Variants in CFAP47 observed in about 807,000 individuals in gnomAD.
The protein encoded by CFAP47 is cilia- and flagella-associated protein 47.
Under a neutral mutation model 148.1 loss-of-function variants are expected in CFAP47, and 29 were observed. The observed-to-expected ratio is 0.20, with a 90% CI of 0.15 to 0.27. The LOEUF (loss-of-function observed/expected upper bound fraction) is 0.27, where lower values mean the gene tolerates loss of function less well. Ranked by LOEUF, CFAP47 falls within the 10% of genes least tolerant of loss-of-function variation. The pLI is 1.00. For missense variants in CFAP47, 1,872 were observed against 1,697.5 expected (o/e 1.10, Z -1.81); for synonymous variants, 664 against 577.3 (o/e 1.15, Z -2.15).
chrX:36,109,344 T>C (rs1317277085), intron 33 of CFAP47, among the ~76,000 whole-genome samples: 1 of 112,032 alleles, frequency 8.9e-6, no homozygotes, highest in African/African-American at 3.2e-5. Context: ...GGTAGTTCCA[T>C]TTTTAGGTCT....
intron 35 of CFAP47, among the ~76,000 whole-genome samples, chrX:36,143,987 T>C (rs1025577212): frequency 1.8e-4 from 20 of 111,675 alleles, no homozygotes; most frequent in Non-Finnish European, 9.4e-5. Flanking sequence ...TTCTCACTAA[T>C]TGTCCCATCT....
chrX:35,976,963 TA>T (rs777962459), intron 15 of CFAP47, among the ~76,000 whole-genome samples: 29 of 111,994 alleles, frequency 2.6e-4, no homozygotes, highest in Non-Finnish European at 4.9e-4. Context: ...TCGTAACTGC[TA>T]AACTGTGACT....
Position 36,384,857 on chromosome X carries a change from A to C in CFAP47, c.9415A>C (p.Lys3139Gln). Residue 3139 changes from lysine to glutamine, a missense_variant, in exon 64 of 64, where the codon AAA (lysine) becomes CAA (glutamine). Lys to Gln is a moderately conservative substitution (Grantham distance 53). Transcript: ENST00000378653. ...NGLTPTTVPP[K>Q]NAKAKIDATH... ...ATTAACTCCAACTACCGTGCCACCA[A>C]AAAATGCAAAAGCCAAAATTGATGC... The C allele has an allele frequency of 8.6e-7, 1 of 1,167,148 alleles. No homozygotes were observed.
In CFAP47 at chrX:36,320,825, A is replaced by T. The variant is rs1941472779; in HGVS notation, c.8443+1518A>T. ...GGAATAATCAAACAATACTGATGGA[A>T]ATACAAATTACTACATAGTTTTTGG... On this transcript the variant is annotated intron_variant, in intron 57 of 63. Transcript: ENST00000378653. Among the ~76,000 whole-genome samples the T allele has an allele frequency of 2.7e-5, 3 of 110,568 alleles. No individual in the cohort carries two copies. In the Admixed American group the frequency reaches 3.0e-4, roughly 11 times the overall value.
chrX:36,073,345 A>G lies in CFAP47; in HGVS notation c.4672A>G (p.Ile1558Val). The G allele has an allele frequency of 8.3e-7, 1 of 1,197,873 alleles. No individual in the cohort carries two copies. The highest frequency in any genetic ancestry group is 1.7e-5 in the African/African-American group (1 of 57,523). The change falls in exon 29 of 64, where the codon ATT becomes GTT. Residue 1558 changes from isoleucine to valine, a missense_variant. Physicochemically the swap from Ile to Val is conservative, Grantham distance 29. Transcript: ENST00000378653. ...GCCTGAAGGACCCCATTCTTTTTCT[A>G]TTCCAGAGACTATAAGAAGGTGAGA... Reference protein sequence around the residue: ...GWPEGPHSFSIPETIRRDVYK... With the variant: ...GWPEGPHSFSVPETIRRDVYK...
At chrX:36,050,185 C>T (rs770580242) in intron 26 of CFAP47, among the ~76,000 whole-genome samples, 1 of 111,081 alleles carries the variant, frequency 9.0e-6, no homozygotes, top group East Asian at 2.8e-4. Flanking sequence ...TGGGGTGCTG[C>T]TATAAAGATA....
intron 49 of CFAP47, among the ~76,000 whole-genome samples, chrX:36,266,860 G>C (rs1383440010): frequency 9.0e-6 from 1 of 111,130 alleles, no homozygotes; most frequent in Non-Finnish European, 1.9e-5. Context: ...TTCAGGGCCT[G>C]GAACGTATCC....
At position 36,239,431 on chromosome X, in the gene CFAP47, G is replaced by A. The variant is rs182388762; in HGVS notation, c.7332+2572G>A. Among the ~76,000 whole-genome samples, 60 of 112,121 alleles carry A rather than the reference G, an allele frequency of 5.4e-4. 1 individual carries two copies. Among genetic ancestry groups the A allele is most frequent in the Admixed American group, 5.1e-3 (54 of 10,568 alleles). ...CCTCTCTCTTTAGCTCTGCAGTCTT[G>A]CAACTGTAGTAACTATGAAAACCAG... On this transcript the variant is annotated intron_variant, in intron 48 of 63. Transcript: ENST00000378653.
intron 24 of CFAP47, among the ~76,000 whole-genome samples, chrX:36,038,507 C>A (rs1014418743): frequency 4.5e-5 from 5 of 111,634 alleles, no homozygotes; most frequent in Non-Finnish European, 1.9e-5. Flanking sequence ...GGCCAGTCAA[C>A]CCTGGTAGTA....
chrX:35,939,085 A>G (rs1416351785), intron 2 of CFAP47, among the ~76,000 whole-genome samples: 1 of 111,181 alleles, frequency 9.0e-6, no homozygotes, highest in South Asian at 3.8e-4. Context: ...CAAAATATGC[A>G]TAGACCTCTT....
intron 62 of CFAP47, among the ~76,000 whole-genome samples, chrX:36,374,302 C>G (rs782649103): frequency 2.7e-5 from 3 of 109,922 alleles, no homozygotes; most frequent in Non-Finnish European, 3.8e-5. Flanking sequence ...TATACATTTC[C>G]TTCTTGGTTT....
chrX:35,971,721 G>T lies in CFAP47; in HGVS notation c.2106G>T (p.Leu702Phe). 1 of 1,211,499 alleles carries T rather than the reference G, an allele frequency of 8.3e-7. No homozygotes were observed. The highest frequency in any genetic ancestry group is 1.8e-5 in the South Asian group (1 of 56,915). Residue 702 changes from leucine to phenylalanine, a missense_variant, in exon 12 of 64, where the codon TTG becomes TTT. Transcript: ENST00000378653. ...CAAATTCAATTAGAGCGAATCGATTGTTAACCACCAGGGGTATAGCATCTC... is the reference window on the plus strand; with the variant it reads ...CAAATTCAATTAGAGCGAATCGATTTTTAACCACCAGGGGTATAGCATCTC... ...SAANSIRANR[L>F]LTTRGIASQE...
At chrX:36,114,461 A>C (rs940090971) in intron 33 of CFAP47, among the ~76,000 whole-genome samples, 1 of 111,832 alleles carries the variant, frequency 8.9e-6, no homozygotes, top group Non-Finnish European at 1.9e-5. Context: ...TGGTTCTTTC[A>C]AATTTTTGTG....
intron 39 of CFAP47, among the ~76,000 whole-genome samples, chrX:36,161,193 T>A (rs1939426456): frequency 9.0e-6 from 1 of 111,551 alleles, no homozygotes; most frequent in South Asian, 3.7e-4. Flanking sequence ...GCAGAAATTA[T>A]ATGTGTTCAA....
chrX:36,342,625 T>C (rs1250644426), intron 57 of CFAP47, among the ~76,000 whole-genome samples: 3 of 102,776 alleles, frequency 2.9e-5, no homozygotes, highest in African/African-American at 1.3e-4. Context: ...ATAAGTGTGT[T>C]TTTTTGATAA....
intron 21 of CFAP47, among the ~76,000 whole-genome samples, chrX:36,007,160 G>C (rs1394824923): frequency 8.9e-6 from 1 of 112,080 alleles, no homozygotes; most frequent in Non-Finnish European, 1.9e-5. Flanking sequence ...TGCAGTTTTT[G>C]AATGTGAGGG....
At chrX:36,070,069 T>G (rs924220620) in intron 27 of CFAP47, among the ~76,000 whole-genome samples, 1 of 111,831 alleles carries the variant, frequency 8.9e-6, no homozygotes, top group Admixed American at 9.5e-5. Flanking sequence ...AAGTCTATAG[T>G]GGTGTAGCAT....
chrX:36,102,148 T>C (rs58037529), intron 32 of CFAP47, among the ~76,000 whole-genome samples: 2,929 of 111,801 alleles, frequency 0.026, 97 homozygotes, highest in African/African-American at 0.09. Flanking sequence ...AAATGAAAGA[T>C]AATTCGAAAC....
intron 49 of CFAP47, among the ~76,000 whole-genome samples, chrX:36,277,513 G>A (rs1941030669): frequency 9.0e-6 from 1 of 111,648 alleles, no homozygotes; most frequent in African/African-American, 3.3e-5. Flanking sequence ...TTTTGTCTAA[G>A]GCCTAGAATT....
Sources: allele counts gnomAD v4.1 joint callset (sites outside exome capture counted in the v4.1 genomes callset), GRCh38; gene constraint gnomAD v4.1.1; transcripts MANE v1.5; gene names NCBI Gene and HGNC (gene_info 2026-07-23, HGNC 2026-07-21).